The following SDK2 variants were observed in gnomAD, a reference collection of about 807,000 sequenced individuals.
The protein encoded by SDK2 is sidekick cell adhesion molecule 2.
Under a neutral mutation model 253.9 loss-of-function variants are expected in SDK2, and 105 were observed. That is an observed-to-expected ratio of 0.41 (90% CI 0.35 to 0.49). SDK2 has a LOEUF of 0.49. Ranked by LOEUF, SDK2 falls within the 20% of genes least tolerant of loss-of-function variation. The pLI is 0.06. For synonymous variants in SDK2, 1,249 were observed against 1,234.9 expected (o/e 1.01, Z -0.24); for missense variants, 2,608 against 3,003.0 (o/e 0.87, Z 3.07).
chr17:73,486,340 G>T (rs1414078809), intron 2 of SDK2, among the ~76,000 whole-genome samples: 1 of 152,166 alleles, frequency 6.6e-6, no homozygotes, highest in African/African-American at 2.4e-5. Flanking sequence ...TGAGAGCAGT[G>T]ACTCACATCT....
intron 1 of SDK2, among the ~76,000 whole-genome samples, chr17:73,611,703 G>A (rs1229244772): frequency 5.9e-5 from 9 of 152,180 alleles, no homozygotes; most frequent in Non-Finnish European, 8.8e-5. Context: ...TGCAGTGAGA[G>A]GGTCCCTTGC....
rs1384066807 is a variant in SDK2, at chr17:73,401,709, G to T, written c.2724C>A (p.Asp908Glu). ...CTTGCCAGCTGACCTTCAGCGATGT[G>T]TCCAGGATCTCACTGAAGCTCAGGT... ...VGHLSFSEIL[D>E]TSLKVSWQEP... The change falls in exon 20 of 45, where the codon GAC (aspartate) becomes GAA (glutamate). Residue 908 changes from aspartate (D) to glutamate (E), a missense_variant. Physicochemically the swap from Asp to Glu is conservative, Grantham distance 45 (BLOSUM62 2). This residue lies in a region of SDK2 where 1,505 missense variants were observed against 1,859.1 expected (regional missense o/e 0.81). Transcript: ENST00000392650. 2 of 1,594,968 alleles carry T rather than the reference G, an allele frequency of 1.3e-6. No individual in the cohort carries two copies. Among genetic ancestry groups the T allele is most frequent in the Admixed American group, 1.7e-5 (1 of 57,774 alleles).
chr17:73,597,018 A>G (rs1474697550), intron 1 of SDK2, among the ~76,000 whole-genome samples: 1 of 152,146 alleles, frequency 6.6e-6, no homozygotes, highest in Non-Finnish European at 1.5e-5. Flanking sequence ...CTTCAGTCTG[A>G]ACCTGCTCCA....
At chr17:73,619,904 T>G (rs2046107449) in intron 1 of SDK2, among the ~76,000 whole-genome samples, 1 of 152,004 alleles carries the variant, frequency 6.6e-6, no homozygotes, top group Non-Finnish European at 1.5e-5. Flanking sequence ...AAAACATAAT[T>G]AAAAATTAGG....
At chr17:73,562,033 G>A (rs2145853105) in intron 1 of SDK2, among the ~76,000 whole-genome samples, 1 of 152,318 alleles carries the variant, frequency 6.6e-6, no homozygotes, top group South Asian at 2.1e-4. Context: ...GGCTAAGGCA[G>A]GAGAATTGCT....
intron 12 of SDK2, among the ~76,000 whole-genome samples, chr17:73,429,105 G>C (rs1231977096): frequency 6.6e-6 from 1 of 151,548 alleles, no homozygotes; most frequent in East Asian, 1.9e-4. Context: ...TTATAAGTAA[G>C]TCATCTTTTT....
At position 73,393,713 on chromosome 17, in the gene SDK2, G is replaced by A. The variant is rs1232111611; in HGVS notation, c.3745C>T (p.Arg1249Ter). 2 of 1,588,536 alleles carry A rather than the reference G, an allele frequency of 1.3e-6. No homozygotes were observed. The highest frequency in any genetic ancestry group is 1.7e-5 in the Admixed American group (1 of 59,074). ...GAGTTGCCTTCCACCAGCCAGAATC[G>A]GGGCTGGGTGTCCGAGTCCTTCTCC... is the stretch of plus-strand genomic sequence containing the variant. ...YKEKDSDTQPRFWLVEGNSSR... is the reference protein window; with the variant it reads ...YKEKDSDTQP Residue 1249 changes from arginine (R) to a stop codon, truncating the protein, a stop_gained, in exon 27 of 45, where the codon CGA (arginine) becomes TGA (stop). Transcript: ENST00000392650. LOFTEE classifies it high-confidence loss of function.
intron 18 of SDK2, among the ~76,000 whole-genome samples, chr17:73,411,993 TATACACAC>T (rs1336770768): frequency 7.6e-6 from 1 of 132,292 alleles, no homozygotes; most frequent in African/African-American, 3.1e-5. Context: ...TACGTATATA[TATACACAC>T]ATATATATGT....
intron 2 of SDK2, among the ~76,000 whole-genome samples, chr17:73,500,427 A>G (rs1337271066): frequency 1.0e-5 from 1 of 99,992 alleles, no homozygotes; most frequent in Non-Finnish European, 2.0e-5. Flanking sequence ...ATTATCCATC[A>G]TCCTCCATCC....
chr17:73,640,470 GA>G, intron 1 of SDK2, among the ~76,000 whole-genome samples: 2 of 152,154 alleles, frequency 1.3e-5, no homozygotes, highest in Non-Finnish European at 2.9e-5. Context: ...AAGGGTGAGG[GA>G]AAGAGGGGCA....
intron 1 of SDK2, chr17:73,518,366 C>T (rs1386007297): frequency 1.3e-5 from 2 of 152,132 alleles, no homozygotes; most frequent in Non-Finnish European, 2.9e-5. Context: ...ATAGCAGTGC[C>T]TACCTCGTTG....
rs2046239863 is a variant in SDK2, at chr17:73,629,243, G to A, written c.64+14782C>T. ...TAGCTCAGATACGGGCCCTCAGGGA[G>A]GCTCCAGAATCTGGAGCCCAAGGAG... On this transcript the variant is annotated intron_variant, in intron 1 of 44. Coordinates refer to ENST00000392650, the MANE Select transcript of SDK2 (RefSeq NM_001144952.2). The surrounding 1 kb of genome is among the most constrained non-coding windows in gnomAD (Gnocchi z 5.0). Among the ~76,000 whole-genome samples, 1 of 152,144 alleles carries A rather than the reference G, an allele frequency of 6.6e-6. No individual in the cohort carries two copies. The highest frequency in any genetic ancestry group is 2.1e-4 in the South Asian group (1 of 4,824).
At chr17:73,393,514 G>A in intron 27 of SDK2, 46 bp downstream of exon 27, 1 of 1,465,686 alleles carries the variant, frequency 6.8e-7, no homozygotes, top group Non-Finnish European at 9.1e-7. Flanking sequence ...AGGAGGAAGG[G>A]CGGCTCCTCC....
intron 36 of SDK2, among the ~76,000 whole-genome samples, chr17:73,377,773 C>T (rs188909601): frequency 2.3e-3 from 342 of 148,294 alleles, no homozygotes; most frequent in African/African-American, 7.8e-3. Context: ...CCACCACACC[C>T]GGCTAATTTT....
In SDK2 at chr17:73,401,157, T is replaced by C; in HGVS notation, c.2834A>G (p.Tyr945Cys). The C allele has an allele frequency of 1.3e-6, 2 of 1,559,506 alleles. No individual in the cohort carries two copies. Among genetic ancestry groups the C allele is most frequent in the Non-Finnish European group, 1.7e-6 (2 of 1,151,578 alleles). Residue 945 changes from tyrosine (Y) to cysteine (C), a missense_variant, in exon 21 of 45, where the codon TAC becomes TGC. Transcript: ENST00000392650. Reference sequence around the variant, plus strand: ...GTACTCCAGGGTCACGTTGGGCAGGTAGTGGGTCACACGGGTGTTGGTTCG... The same window carrying C: ...GTACTCCAGGGTCACGTTGGGCAGGCAGTGGGTCACACGGGTGTTGGTTCG... Reference protein sequence around the residue: ...YNRTNTRVTHYLPNVTLEYRV... With the variant: ...YNRTNTRVTHCLPNVTLEYRV...
Position 73,402,132 on chromosome 17 carries a change from A to C in SDK2, c.2494T>G (p.Trp832Gly). ...GINQGYKLIA[W>G]EPEQEEEVTM... Reference sequence around the variant, plus strand: ...ACCTCCTCTTCCTGTTCCGGCTCCCAGGCGATCAGCTGCGGAGAGGCGAGC... The same window carrying C: ...ACCTCCTCTTCCTGTTCCGGCTCCCCGGCGATCAGCTGCGGAGAGGCGAGC... Residue 832 changes from tryptophan to glycine, a missense_variant, in exon 19 of 45, where the codon TGG (tryptophan) becomes GGG (glycine). Trp to Gly is a radical substitution (Grantham distance 184, BLOSUM62 -2). Coordinates refer to ENST00000392650, the MANE Select transcript of SDK2 (RefSeq NM_001144952.2). 1.2e-6 allele frequency: 2 copies of C among 1,613,450 alleles called. No homozygotes were observed. Among genetic ancestry groups the C allele is most frequent in the Non-Finnish European group, 1.7e-6 (2 of 1,179,544 alleles).
chr17:73,548,167 T>C (rs1078439), intron 1 of SDK2, among the ~76,000 whole-genome samples: 40,565 of 152,106 alleles, frequency 0.27, 5,600 homozygotes, highest in African/African-American at 0.32. Context: ...AATGGCCCAA[T>C]TTACAGATTG....
chr17:73,401,982 G>A lies in SDK2; in HGVS notation c.2644C>T (p.Arg882Cys), dbSNP rs1420059012. Residue 882 changes from arginine to cysteine, a missense_variant, in exon 19 of 45, where the codon CGC becomes TGC. Around this residue, in one of 2 missense-constraint regions of SDK2, gnomAD observed 1,505 missense variants for 1,859.1 expected, o/e 0.81. Coordinates refer to ENST00000392650, the MANE Select transcript of SDK2 (RefSeq NM_001144952.2). ...LCFTTPGDGP[R>C]STPQLVRTHE... ...GTGCGCACCAGCTGCGGGGTGCTGC[G>A]TGGCCCGTCCCCGGGGGTGGTGAAA... is the stretch of plus-strand genomic sequence containing the variant. 2.5e-6 allele frequency: 4 copies of A among 1,613,136 alleles called. No homozygotes were observed. The East Asian group carries it at 8.9e-5, about 36-fold the overall frequency.
At chr17:73,353,326 T>C (rs970833824) in intron 40 of SDK2, among the ~76,000 whole-genome samples, 6 of 152,304 alleles carry the variant, frequency 3.9e-5, no homozygotes, top group African/African-American at 1.4e-4. Flanking sequence ...TAAGACATTA[T>C]CATATGGGAA....
Sources: gnomAD v4.1 joint callset for allele counts (sites outside exome capture counted in the v4.1 genomes callset) on GRCh38, gnomAD v4.1.1 for gene constraint, gnomAD v4.1.1 regional missense constraint, Gnocchi (gnomAD v3.1) non-coding constraint, MANE v1.5 for transcripts, NCBI Gene and HGNC (gene_info 2026-07-23, HGNC 2026-07-21) for gene names.